The following SAMSN1 variants were observed in gnomAD, a reference collection of about 807,000 sequenced individuals.
SAMSN1 encodes SAM domain-containing protein SAMSN-1.
SAMSN1 carries 31 observed loss-of-function variants against 42.0 expected under a neutral mutation model. The observed-to-expected ratio is 0.74, with a 90% CI of 0.55 to 1.00. The LOEUF (loss-of-function observed/expected upper bound fraction) is 1.00, where lower values mean the gene tolerates loss of function less well. Among genes scored for constraint, SAMSN1 ranks in the 50% least tolerant of loss-of-function variants. The probability of loss-of-function intolerance (pLI) is 0.00; values close to 1 mark genes in which losing one functional copy is unlikely to be tolerated. For missense variants in SAMSN1, 464 were observed against 439.4 expected (o/e 1.06, Z -0.50); for synonymous variants, 178 against 151.9 (o/e 1.17, Z -1.26).
At chr21:14,508,912 G>A (rs964909741) in intron 5 of SAMSN1, among the ~76,000 whole-genome samples, 9 of 151,950 alleles carry the variant, frequency 5.9e-5, no homozygotes, top group Admixed American at 5.9e-4. Flanking sequence ...GGTGGATCAC[G>A]AGGTCAAGAG....
At chr21:14,636,367 C>T (rs1034209712) in intron 2 of SAMSN1, among the ~76,000 whole-genome samples, 4 of 152,128 alleles carry the variant, frequency 2.6e-5, no homozygotes, top group Admixed American at 6.5e-5. Context: ...CTTGTGTACA[C>T]GTGCATGCAC....
chr21:14,488,767 T>A (rs1321191290), intron 7 of SAMSN1, among the ~76,000 whole-genome samples: 1 of 152,164 alleles, frequency 6.6e-6, no homozygotes, highest in Admixed American at 6.6e-5. Context: ...TGCAGCACGG[T>A]AATTTACAGA....
In SAMSN1 at chr21:14,486,108, T is replaced by C; in HGVS notation, c.926A>G (p.Gln309Arg). 1.2e-6 allele frequency: 2 copies of C among 1,612,200 alleles called. No homozygotes were observed. Among genetic ancestry groups the C allele is most frequent in the Non-Finnish European group, 1.7e-6 (2 of 1,178,690 alleles). Residue 309 changes from glutamine to arginine, a missense_variant, in exon 8 of 8, where the codon CAA (glutamine) becomes CGA (arginine). Coordinates refer to ENST00000400566, the MANE Select transcript of SAMSN1 (RefSeq NM_022136.5). ...GGGCTCAGGTTCATTTTCTTGCTCT[T>C]GAATAACTGTAAATGGAAAAAAAGG... The part of the protein sequence containing the change: ...AENFLEEEII[Q>R]EQENEPEPLS...
intron 1 of SAMSN1, among the ~76,000 whole-genome samples, chr21:14,524,073 G>A (rs1456890568): frequency 3.9e-5 from 6 of 152,134 alleles, no homozygotes; most frequent in African/African-American, 1.2e-4. Context: ...TTAAAAGTTA[G>A]TAACTAACTT....
At chr21:14,567,025 A>T (rs910405961) in intron 2 of SAMSN1, among the ~76,000 whole-genome samples, 3 of 152,124 alleles carry the variant, frequency 2.0e-5, no homozygotes, top group Non-Finnish European at 4.4e-5. Flanking sequence ...ATTTTCTTTG[A>T]TCCTCTGACA....
At chr21:14,555,918 T>C (rs1195162828) in intron 2 of SAMSN1, among the ~76,000 whole-genome samples, 1 of 152,208 alleles carries the variant, frequency 6.6e-6, no homozygotes, top group African/African-American at 2.4e-5. Flanking sequence ...CTGAACATAG[T>C]ACACCTCGTG....
intron 2 of SAMSN1, among the ~76,000 whole-genome samples, chr21:14,571,728 C>T (rs1289356621): frequency 6.6e-6 from 1 of 152,152 alleles, no homozygotes; most frequent in Non-Finnish European, 1.5e-5. Flanking sequence ...TCAATACAGT[C>T]ACAATTCGGG....
chr21:14,493,112 G>GGGCAGGCA lies in SAMSN1; in HGVS notation c.919+5322_919+5329dup, dbSNP rs762533564. On this transcript the variant is annotated intron_variant, in intron 7 of 7. Coordinates refer to ENST00000400566, the MANE Select transcript of SAMSN1 (RefSeq NM_022136.5). ...CCCGCCATTTGCCCTGCATCGACTTGGGCAGGCAGGCAGGCAGGCAGGAAG... is the reference window on the plus strand; with the variant it reads ...CCCGCCATTTGCCCTGCATCGACTTGGGCAGGCAGGCAGGCAGGCAGGCAGGCAGGAAG... Among the ~76,000 whole-genome samples the GGGCAGGCA allele has an allele frequency of 4.6e-5, 7 of 152,200 alleles. No individual in the cohort carries two copies. The South Asian group carries it at 1.5e-3, about 32-fold the overall frequency.
chr21:14,519,169 T>C (rs1187333918), intron 2 of SAMSN1, among the ~76,000 whole-genome samples: 1 of 152,206 alleles, frequency 6.6e-6, no homozygotes, highest in Admixed American at 6.5e-5. Context: ...ACTCCAGGCA[T>C]GAAGTAAGGA....
intron 7 of SAMSN1, among the ~76,000 whole-genome samples, chr21:14,589,020 A>G (rs1022330562): frequency 1.3e-5 from 2 of 152,140 alleles, no homozygotes; most frequent in African/African-American, 4.8e-5. Context: ...TATAAACAGA[A>G]ATATCTTTTA....
chr21:14,621,639 G>T (rs920895135), intron 2 of SAMSN1, among the ~76,000 whole-genome samples: 36 of 147,924 alleles, frequency 2.4e-4, no homozygotes, highest in African/African-American at 9.0e-4. Flanking sequence ...GCTCCAACTG[G>T]GTGGAGCCCA....
intron 2 of SAMSN1, among the ~76,000 whole-genome samples, chr21:14,620,767 C>G (rs746459936): frequency 2.0e-5 from 3 of 152,126 alleles, no homozygotes; most frequent in African/African-American, 7.2e-5. Flanking sequence ...ACTGGAGATA[C>G]ATATAGATGA....
upstream of SAMSN1, among the ~76,000 whole-genome samples, chr21:14,549,320 A>T (rs1298211627): frequency 6.6e-6 from 1 of 152,160 alleles, no homozygotes. Flanking sequence ...ATACAATTAG[A>T]TAGTAGTTTG....
chr21:14,485,885 T>G lies in SAMSN1; in HGVS notation c.*27A>C. 1 of 1,562,852 alleles carries G rather than the reference T, an allele frequency of 6.4e-7. No homozygotes were observed. The highest frequency in any genetic ancestry group is 1.4e-5 in the African/African-American group (1 of 73,916). On this transcript the variant is annotated 3_prime_UTR_variant, in exon 8 of 8. Transcript: ENST00000400566. ...AAGAAGAGTTAAAATGGAATGCATC[T>G]GTAGATATATAGTTGGGAATGCGTG...
chr21:14,622,841 A>T (rs1284902992), intron 2 of SAMSN1, among the ~76,000 whole-genome samples: 3 of 152,232 alleles, frequency 2.0e-5, no homozygotes, highest in Non-Finnish European at 4.4e-5. Flanking sequence ...AGTTGAAATG[A>T]AGGAAAAAAT....
intron 2 of SAMSN1, among the ~76,000 whole-genome samples, chr21:14,622,579 G>C (rs1019680136): frequency 6.6e-6 from 1 of 152,286 alleles, no homozygotes; most frequent in South Asian, 2.1e-4. Context: ...ACAAAAAAGA[G>C]TAAAAAGAAA....
upstream of SAMSN1, chr21:14,583,857 T>C: frequency 1.6e-6 from 1 of 638,830 alleles, no homozygotes; most frequent in South Asian, 1.8e-5. Flanking sequence ...ATCATAAATG[T>C]GGAAAAATTA....
chr21:14,567,765 C>T (rs1029805412), intron 2 of SAMSN1, among the ~76,000 whole-genome samples: 5 of 151,806 alleles, frequency 3.3e-5, no homozygotes, highest in South Asian at 2.1e-4. Flanking sequence ...TGACTGAAAC[C>T]GCAGCTCAGC....
Position 14,500,503 on chromosome 21 carries a change from A to G in SAMSN1, c.768+26T>C, listed in dbSNP as rs1307476082. The G allele has an allele frequency of 4.4e-6, 7 of 1,601,458 alleles. No individual in the cohort carries two copies. In the Admixed American group the frequency reaches 1.2e-4, roughly 27 times the overall value. ...GTGTTTCCATTTACATGCTTCCAAA[A>G]GCAAACAGAACACAGATTTGCTCAC... On this transcript the variant is annotated intron_variant, in intron 6 of 7. Coordinates refer to ENST00000400566, the MANE Select transcript of SAMSN1 (RefSeq NM_022136.5).
Sources: gnomAD v4.1 joint callset for allele counts (sites outside exome capture counted in the v4.1 genomes callset) on GRCh38, gnomAD v4.1.1 for gene constraint, MANE v1.5 for transcripts, NCBI Gene and HGNC (gene_info 2026-07-23, HGNC 2026-07-21) for gene names.